The following LRRFIP1 variants were observed in gnomAD, a reference collection of about 807,000 sequenced individuals.
LRRFIP1 encodes LRR binding FLII interacting protein 1.
In LRRFIP1, 62 loss-of-function variants were observed where a neutral mutation model predicts 104.4. The observed-to-expected ratio is 0.59, with a 90% CI of 0.48 to 0.73. LRRFIP1 has a LOEUF of 0.73. LRRFIP1 is among the 30% of genes least tolerant of loss of function. LRRFIP1 has a pLI of 0.00. For synonymous variants in LRRFIP1, 300 were observed against 299.0 expected, an observed-to-expected ratio of 1.00 and a Z score of -0.03; for missense variants, 796 against 824.5, an observed-to-expected ratio of 0.97 and a Z score of 0.42.
In LRRFIP1 at chr2:237,727,885, T is replaced by TA; in HGVS notation, c.395dup (p.Tyr132Ter). ...YGGPYAWTNG[Y>*]DGELYGSQSL... ...TTCTTCATTGAAACAGACAAATGGT[T>TA]ATGATGGAGAATTGTATGGATCACA... is the stretch of plus-strand genomic sequence containing the variant. The change falls in exon 8 of 24, where the codon TAT (tyrosine) becomes TAAT (stop). Residue 132 changes from tyrosine (Y) to a stop codon, truncating the protein, a stop_gained and frameshift_variant. Transcript: ENST00000308482. LOFTEE classifies it high-confidence loss of function. 1 of 1,611,628 alleles carries TA rather than the reference T, an allele frequency of 6.2e-7. No homozygotes were observed. Among genetic ancestry groups the TA allele is most frequent in the South Asian group, 1.1e-5 (1 of 90,778 alleles).
intron 1 of LRRFIP1, chr2:237,692,432 G>T: frequency 6.7e-7 from 1 of 1,499,612 alleles, no homozygotes; most frequent in Non-Finnish European, 8.9e-7. Context: ...TTCCCGCCGG[G>T]TGGAGCGGGC....
rs1027151999 is a variant in LRRFIP1 at position 237,752,132 on chromosome 2, C to T, written c.867+861C>T. ...TGCGAAAAGGAGCCACTTGGCCAGG[C>T]GTGGTGGCTCACGCCTGTAATTCCA... is the stretch of plus-strand genomic sequence containing the variant. On this transcript the variant is annotated intron_variant, in intron 14 of 23. Transcript: ENST00000308482. 3.3e-5 allele frequency among the ~76,000 whole-genome samples: 5 copies of T among 152,284 alleles called. No homozygotes were observed. The South Asian group carries it at 8.3e-4, about 25-fold the overall frequency.
intron 11 of LRRFIP1, among the ~76,000 whole-genome samples, chr2:237,745,163 G>A (rs2057665790): frequency 6.6e-6 from 1 of 152,222 alleles, no homozygotes; most frequent in South Asian, 2.1e-4. Flanking sequence ...CTTCTGTCCG[G>A]GCCCGGCCCC....
intron 19 of LRRFIP1, chr2:237,763,798 A>T (rs778651811): frequency 1.2e-6 from 2 of 1,614,190 alleles, no homozygotes; most frequent in South Asian, 2.2e-5. Context: ...GTGGTGAAGA[A>T]TTAGATGAAG....
intron 6 of LRRFIP1, among the ~76,000 whole-genome samples, chr2:237,722,706 G>A (rs1187135961): frequency 1.3e-5 from 2 of 152,176 alleles, no homozygotes; most frequent in Non-Finnish European, 1.5e-5. Flanking sequence ...CTTGGATCCT[G>A]GAGATGAGAG....
rs2061421509 is a variant in LRRFIP1, at chr2:237,781,160, T to G, written c.*1628T>G. Among the ~76,000 whole-genome samples, 1 of 152,184 alleles carries G rather than the reference T, an allele frequency of 6.6e-6. No homozygotes were observed. Among genetic ancestry groups the G allele is most frequent in the African/African-American group, 2.4e-5 (1 of 41,440 alleles). ...CATCCTTAAGGTTTCTTCCACAACATCTGAATACAAGCATGTTTAACTGGG... is the reference window on the plus strand; with the variant it reads ...CATCCTTAAGGTTTCTTCCACAACAGCTGAATACAAGCATGTTTAACTGGG... On this transcript the variant is annotated 3_prime_UTR_variant, in exon 24 of 24. Transcript: ENST00000308482.
chr2:237,729,686 T>A, intron 8 of LRRFIP1: 1 of 430,116 alleles, frequency 2.3e-6, no homozygotes, highest in Non-Finnish European at 3.1e-6. Context: ...TCGGTTGTGC[T>A]GTTCCATGTT....
At chr2:237,769,387 T>G (rs992661291) in intron 19 of LRRFIP1, 2 of 153,630 alleles carry the variant, frequency 1.3e-5, no homozygotes, top group African/African-American at 4.8e-5. Flanking sequence ...ACTTAAACCA[T>G]TACTGCCTTC....
intron 1 of LRRFIP1, chr2:237,692,249 C>T: frequency 1.8e-6 from 2 of 1,136,038 alleles, no homozygotes; most frequent in Middle Eastern, 3.7e-4. Flanking sequence ...CACCTGCGCC[C>T]CGCCCCTGTC....
intron 1 of LRRFIP1, among the ~76,000 whole-genome samples, chr2:237,690,100 A>C (rs2092663253): frequency 6.6e-6 from 1 of 152,180 alleles, no homozygotes; most frequent in Non-Finnish European, 1.5e-5. Flanking sequence ...GGTAACTAGC[A>C]ATTGACTGGC....
chr2:237,640,177 C>T (rs912064117), intron 1 of LRRFIP1, among the ~76,000 whole-genome samples: 1 of 152,190 alleles, frequency 6.6e-6, no homozygotes, highest in Non-Finnish European at 1.5e-5. Flanking sequence ...GAGGGGGCCA[C>T]ATACCCTGGA....
At chr2:237,749,055 G>T in intron 12 of LRRFIP1, 144 bp from the exon 13 acceptor site, 1 of 758,372 alleles carries the variant, frequency 1.3e-6, no homozygotes, top group Non-Finnish European at 2.1e-6. Context: ...AACAGCATGG[G>T]GGAAACTGCC....
chr2:237,681,697 T>TTTTTTTTTTTTTTTTTTTG (rs1161155692), intron 1 of LRRFIP1, among the ~76,000 whole-genome samples: 1 of 107,928 alleles, frequency 9.3e-6, no homozygotes. Flanking sequence ...TTTTTTTTTT[T>TTTTTTTTTTTTTTTTTTTG]GAGACGGAGT....
chr2:237,756,577 C>T (rs2059290725), intron 16 of LRRFIP1, among the ~76,000 whole-genome samples: 1 of 152,264 alleles, frequency 6.6e-6, no homozygotes, highest in Non-Finnish European at 1.5e-5. Context: ...AGGGCTTCAA[C>T]AGATGAATTT....
chr2:237,645,700 C>T (rs564017780), intron 1 of LRRFIP1, among the ~76,000 whole-genome samples: 1 of 152,140 alleles, frequency 6.6e-6, no homozygotes, highest in Non-Finnish European at 1.5e-5. Context: ...TTCATCCTAA[C>T]TCAATGTCAC....
intron 2 of LRRFIP1, among the ~76,000 whole-genome samples, chr2:237,710,710 T>A (rs773853182): frequency 6.6e-6 from 1 of 152,202 alleles, no homozygotes; most frequent in Non-Finnish European, 1.5e-5. Flanking sequence ...AGTTCTTGAT[T>A]TAAAAATAAC....
At chr2:237,750,326 CTTTTTT>C (rs928510240) in intron 13 of LRRFIP1, among the ~76,000 whole-genome samples, 257 of 60,732 alleles carry the variant, frequency 4.2e-3, no homozygotes, top group African/African-American at 0.015. Flanking sequence ...TTCTTTCTTT[CTTTTTT>C]TTTTTTTTTT....
chr2:237,702,345 G>GT (rs1455253869), intron 1 of LRRFIP1, among the ~76,000 whole-genome samples: 2 of 152,164 alleles, frequency 1.3e-5, no homozygotes, highest in Non-Finnish European at 2.9e-5. Flanking sequence ...GTATCTTGCT[G>GT]TAAGACCTAG....
chr2:237,734,238 A>G (rs1469707015), intron 9 of LRRFIP1, among the ~76,000 whole-genome samples: 1 of 142,912 alleles, frequency 7.0e-6, no homozygotes, highest in Non-Finnish European at 1.5e-5. Context: ...ACGTAAAGTA[A>G]ATACTCAAAG....
Sources: allele counts gnomAD v4.1 joint callset (sites outside exome capture counted in the v4.1 genomes callset), GRCh38; gene constraint gnomAD v4.1.1; transcripts MANE v1.5; gene names NCBI Gene and HGNC (gene_info 2026-07-23, HGNC 2026-07-21).